Variants in EMC2 observed in about 807,000 individuals in gnomAD.
EMC2 encodes TPR repeat protein 35.
In EMC2, 37 loss-of-function variants were observed where a neutral mutation model predicts 51.6. The observed-to-expected ratio is 0.72, with a 90% CI of 0.55 to 0.94. The LOEUF is 0.94. Ranked by LOEUF, EMC2 falls within the 40% of genes least tolerant of loss-of-function variation. EMC2 has a pLI of 0.00. For synonymous variants in EMC2, 131 were observed against 112.4 expected (o/e 1.17, Z -1.04); for missense variants, 359 against 350.9 (o/e 1.02, Z -0.18).
At chr8:108,447,988 A>G (rs1374221772) in intron 1 of EMC2, among the ~76,000 whole-genome samples, 2 of 152,008 alleles carry the variant, frequency 1.3e-5, no homozygotes, top group Non-Finnish European at 2.9e-5. Context: ...AATGCTTTAC[A>G]CGAATTTTCT....
At position 108,488,455 on chromosome 8, in the gene EMC2, T is replaced by C. The variant is rs1811183108; in HGVS notation, c.*1857T>C. On this transcript the variant is annotated 3_prime_UTR_variant, in exon 11 of 11. Coordinates refer to ENST00000220853, the MANE Select transcript of EMC2 (RefSeq NM_014673.5). ...GATTACAGGCATGAGCCACTGAGCC[T>C]GGCCAGTATCACTTTATTTTTTCAA... Among the ~76,000 whole-genome samples the C allele has an allele frequency of 6.6e-6, 1 of 152,194 alleles. No individual in the cohort carries two copies. Among genetic ancestry groups the C allele is most frequent in the African/African-American group, 2.4e-5 (1 of 41,450 alleles).
At position 108,470,053 on chromosome 8, in the gene EMC2, T is replaced by G. The variant is rs1056648853; in HGVS notation, c.450-9T>G. 6.2e-6 allele frequency: 10 copies of G among 1,612,014 alleles called. No homozygotes were observed. The highest frequency in any genetic ancestry group is 8.5e-6 in the Non-Finnish European group (10 of 1,178,634). ...ACACACTTACTTTTTTTTCTTTTCC[T>G]CTCACCAGATTTGTTGGAGACCAAG... On this transcript the variant is annotated splice_polypyrimidine_tract_variant and intron_variant, in intron 6 of 10. Coordinates refer to ENST00000220853, the MANE Select transcript of EMC2 (RefSeq NM_014673.5).
chr8:108,482,320 G>A (rs896265755), intron 10 of EMC2, among the ~76,000 whole-genome samples: 6 of 151,988 alleles, frequency 3.9e-5, no homozygotes, highest in African/African-American at 9.7e-5. Flanking sequence ...TTAGTTTTTT[G>A]CTTATGAGCC....
intron 1 of EMC2, among the ~76,000 whole-genome samples, chr8:108,448,717 C>T (rs763908523): frequency 3.3e-5 from 5 of 152,168 alleles, no homozygotes; most frequent in African/African-American, 4.8e-5. Flanking sequence ...AGTGGGAAAA[C>T]GGACTAATAC....
At chr8:108,473,729 A>G (rs1458896925) in intron 7 of EMC2, 1 of 152,062 alleles carries the variant, frequency 6.6e-6, no homozygotes, top group Non-Finnish European at 1.5e-5. Context: ...AGTAACACAC[A>G]GTACCAAATA....
rs553979837 is a variant in EMC2, at chr8:108,488,548, A to T, written c.*1950A>T. Among the ~76,000 whole-genome samples the T allele has an allele frequency of 5.9e-5, 9 of 152,288 alleles. No homozygotes were observed. The South Asian group carries it at 1.9e-3, about 32-fold the overall frequency. On this transcript the variant is annotated 3_prime_UTR_variant, in exon 11 of 11. Coordinates refer to ENST00000220853, the MANE Select transcript of EMC2 (RefSeq NM_014673.5). ...CATTGCCAATCCTTAGTTATTTATA[A>T]ACTTCAACTTAAATGTACTGATAAT...
At chr8:108,453,754 A>G (rs1014374125) in intron 4 of EMC2, among the ~76,000 whole-genome samples, 1 of 152,138 alleles carries the variant, frequency 6.6e-6, no homozygotes, top group Non-Finnish European at 1.5e-5. Context: ...ATTGTGCTGT[A>G]CAGTTTAACT....
intron 10 of EMC2, among the ~76,000 whole-genome samples, chr8:108,484,530 A>G (rs1270624607): frequency 2.0e-5 from 3 of 152,068 alleles, no homozygotes; most frequent in Non-Finnish European, 4.4e-5. Context: ...AGTATAAACC[A>G]AGAAAAATAC....
chr8:108,483,561 A>G (rs555417435), intron 10 of EMC2, among the ~76,000 whole-genome samples: 8 of 152,134 alleles, frequency 5.3e-5, no homozygotes, highest in African/African-American at 1.4e-4. Context: ...AGTCCATTTC[A>G]TTTTTCCTAT....
chr8:108,459,495 A>G (rs1256713640), intron 5 of EMC2, among the ~76,000 whole-genome samples: 1 of 152,184 alleles, frequency 6.6e-6, no homozygotes, highest in Non-Finnish European at 1.5e-5. Context: ...TCTTACATGG[A>G]TGACAGCATG....
chr8:108,486,120 T>C (rs1811133118), intron 10 of EMC2, among the ~76,000 whole-genome samples: 1 of 151,956 alleles, frequency 6.6e-6, no homozygotes, highest in Non-Finnish European at 1.5e-5. Flanking sequence ...AAAATCTGTT[T>C]AGACATCAGA....
intron 2 of EMC2, 71 bp downstream of exon 2, chr8:108,450,007 C>G: frequency 1.9e-6 from 1 of 539,992 alleles, no homozygotes; most frequent in Non-Finnish European, 3.2e-6. Flanking sequence ...TTTAACTGTT[C>G]TTTCATTCAT....
At chr8:108,466,275 C>T (rs1819462295) in intron 5 of EMC2, among the ~76,000 whole-genome samples, 1 of 151,952 alleles carries the variant, frequency 6.6e-6, no homozygotes, top group Admixed American at 6.6e-5. Flanking sequence ...CACGTGACAA[C>T]CAGCTGTTAC....
chr8:108,487,939 A>G lies in EMC2; in HGVS notation c.*1341A>G, dbSNP rs530702894. On this transcript the variant is annotated 3_prime_UTR_variant, in exon 11 of 11. Transcript: ENST00000220853. Reference sequence around the variant, plus strand: ...TAATTCTCTACTAATCTTTATTACCACAAAGATCCCGTCTTTGTACACATG... The same window carrying G: ...TAATTCTCTACTAATCTTTATTACCGCAAAGATCCCGTCTTTGTACACATG... Among the ~76,000 whole-genome samples the G allele has an allele frequency of 6.6e-6, 1 of 152,298 alleles. No individual in the cohort carries two copies. Among genetic ancestry groups the G allele is most frequent in the Non-Finnish European group, 1.5e-5 (1 of 68,018 alleles).
intron 4 of EMC2, among the ~76,000 whole-genome samples, chr8:108,454,172 G>C (rs772113131): frequency 1.3e-5 from 2 of 152,042 alleles, no homozygotes; most frequent in Admixed American, 6.5e-5. Context: ...GATAGTCTCT[G>C]TCTTTTCATT....
intron 10 of EMC2, among the ~76,000 whole-genome samples, chr8:108,484,456 A>G (rs1437464361): frequency 6.6e-6 from 1 of 152,052 alleles, no homozygotes; most frequent in African/African-American, 2.4e-5. Flanking sequence ...TGTTGACACC[A>G]TCTCAGTTGA....
chr8:108,467,982 G>A (rs1810762627), intron 5 of EMC2, among the ~76,000 whole-genome samples: 1 of 152,170 alleles, frequency 6.6e-6, no homozygotes. Context: ...TGGTATTACT[G>A]AGGTTTGTAG....
At chr8:108,447,138 A>T (rs960232633) in intron 1 of EMC2, among the ~76,000 whole-genome samples, 1 of 152,172 alleles carries the variant, frequency 6.6e-6, no homozygotes, top group African/African-American at 2.4e-5. Context: ...AACTGAAACC[A>T]AAGTTGCATT....
At chr8:108,461,078 A>G (rs1819307631) in intron 5 of EMC2, among the ~76,000 whole-genome samples, 1 of 152,240 alleles carries the variant, frequency 6.6e-6, no homozygotes, top group Admixed American at 6.5e-5. Context: ...TGCAACAGCT[A>G]AAGTTACTCC....
Sources: allele counts gnomAD v4.1 joint callset (sites outside exome capture counted in the v4.1 genomes callset), GRCh38; gene constraint gnomAD v4.1.1; transcripts MANE v1.5; gene names NCBI Gene and HGNC (gene_info 2026-07-23, HGNC 2026-07-21).